Variants in PROSER2 observed in about 807,000 individuals in gnomAD.
The protein encoded by PROSER2 is proline and serine-rich protein 2.
PROSER2 carries 18 observed loss-of-function variants against 14.6 expected under a neutral mutation model. The observed-to-expected ratio is 1.23, with a 90% confidence interval of 0.85 to 1.83. The LOEUF (loss-of-function observed/expected upper bound fraction) is 1.83, where lower values mean the gene tolerates loss of function less well. Among genes scored for constraint, PROSER2 ranks in the 40% most tolerant of loss-of-function variants. The pLI is 0.00. For missense variants in PROSER2, 823 were observed against 629.8 expected (o/e 1.31, Z -3.28); for synonymous variants, 367 against 286.4 (o/e 1.28, Z -2.84).
chr10:11,867,282 A>AAAAAAC (rs1834371949), intron 3 of PROSER2, among the ~76,000 whole-genome samples: 1 of 151,002 alleles, frequency 6.6e-6, no homozygotes, highest in African/African-American at 2.4e-5. Context: ...AAAAAAAAAA[A>AAAAAAC]AAAAAGAATG....
In PROSER2 at chr10:11,830,367, T is replaced by G. The variant is rs1564300949; in HGVS notation, c.-82+6897T>G. Among the ~76,000 whole-genome samples the G allele has an allele frequency of 6.6e-6, 1 of 152,252 alleles. No individual in the cohort carries two copies. The highest frequency in any genetic ancestry group is 1.5e-5 in the Non-Finnish European group (1 of 68,044). On this transcript the variant is annotated intron_variant, in intron 1 of 3. Coordinates refer to ENST00000277570, the MANE Select transcript of PROSER2 (RefSeq NM_153256.4). This position sits in a 1 kb window ranked among gnomAD's most constrained non-coding sequence, Gnocchi z 4.5. ...GCTGCAAAAGACATGATTGCATTCA[T>G]TTTTATGGCTGAGTAGTCGTCCGTG...
At chr10:11,825,528 G>C (rs1833599648) in intron 1 of PROSER2, among the ~76,000 whole-genome samples, 1 of 152,196 alleles carries the variant, frequency 6.6e-6, no homozygotes, top group Admixed American at 6.5e-5. Flanking sequence ...GGCCACCATA[G>C]GAAAGCCTGT....
intron 1 of PROSER2, among the ~76,000 whole-genome samples, chr10:11,824,024 A>G (rs908945999): frequency 6.6e-6 from 1 of 152,242 alleles, no homozygotes; most frequent in African/African-American, 2.4e-5. Flanking sequence ...GGCCCGTGTG[A>G]TGAAATTGAA....
intron 1 of PROSER2, among the ~76,000 whole-genome samples, chr10:11,844,435 G>T (rs1833896140): frequency 6.6e-6 from 1 of 152,110 alleles, no homozygotes; most frequent in Non-Finnish European, 1.5e-5. Flanking sequence ...CCCAACAATT[G>T]TTCTTGACTT....
At chr10:11,867,495 A>T (rs1210384710) in intron 3 of PROSER2, among the ~76,000 whole-genome samples, 2 of 151,560 alleles carry the variant, frequency 1.3e-5, no homozygotes, top group African/African-American at 4.9e-5. Context: ...TAGCTGGCGC[A>T]CACCTGTAGT....
intron 1 of PROSER2, among the ~76,000 whole-genome samples, chr10:11,846,264 G>C (rs1433839861): frequency 6.6e-6 from 1 of 152,174 alleles, no homozygotes; most frequent in Non-Finnish European, 1.5e-5. Context: ...TGGGATTACA[G>C]GTGTGAGCCA....
rs1246090745 is a variant in PROSER2, at chr10:11,869,910, T to C, written c.812T>C (p.Leu271Pro). 60 of 1,578,310 alleles carry C rather than the reference T, an allele frequency of 3.8e-5. No homozygotes were observed. Among genetic ancestry groups the C allele is most frequent in the Non-Finnish European group, 5.1e-5 (59 of 1,165,820 alleles). ...GCGGCCCGGGAGCCCCGCAGGACCCTGTCCAGGGCGGCCGTCAGCGTGCAG... is the reference window on the plus strand; with the variant it reads ...GCGGCCCGGGAGCCCCGCAGGACCCCGTCCAGGGCGGCCGTCAGCGTGCAG... ...NGAAREPRRT[L>P]SRAAVSVQER... Residue 271 changes from leucine to proline, a missense_variant, in exon 4 of 4, where the codon CTG (leucine) becomes CCG (proline). Leu to Pro is a moderately conservative substitution (Grantham distance 98). Transcript: ENST00000277570. The surrounding 1 kb of genome is among the most constrained non-coding windows in gnomAD (Gnocchi z 4.4).
chr10:11,860,644 AT>A (rs1253953896), intron 2 of PROSER2, among the ~76,000 whole-genome samples: 1 of 151,632 alleles, frequency 6.6e-6, no homozygotes, highest in African/African-American at 2.4e-5. Flanking sequence ...TTTTTGTCTC[AT>A]TTTATACAAA....
chr10:11,844,830 C>G (rs1354244463), intron 1 of PROSER2, among the ~76,000 whole-genome samples: 1 of 152,190 alleles, frequency 6.6e-6, no homozygotes. Flanking sequence ...CCATGTTGGC[C>G]AGGCTGGTCT....
rs1834485679 is a variant in PROSER2 at position 11,871,323 on chromosome 10, ACGT to A, written c.*919_*921del. ...CCTAGTATGGAAGTGTCTTAAGGAC[ACGT>A]CTCCATGATATTTTGGTGAACCAAA... On this transcript the variant is annotated 3_prime_UTR_variant, in exon 4 of 4. Transcript: ENST00000277570. 6.6e-6 allele frequency: 1 copy of A among 152,352 alleles called. No individual in the cohort carries two copies. Among genetic ancestry groups the A allele is most frequent in the Non-Finnish European group, 1.5e-5 (1 of 68,034 alleles). The allele number at this position is 152,352 out of a possible 1,614,324, so 9.4% of individuals were successfully genotyped here.
intron 1 of PROSER2, among the ~76,000 whole-genome samples, chr10:11,839,195 G>GTC (rs1833801947): frequency 6.6e-6 from 1 of 152,120 alleles, no homozygotes; most frequent in Non-Finnish European, 1.5e-5. Context: ...CAGGGAGCAG[G>GTC]TCTCTACTCC....
intron 1 of PROSER2, among the ~76,000 whole-genome samples, chr10:11,841,584 C>T (rs1019161997): frequency 2.0e-5 from 3 of 152,076 alleles, no homozygotes; most frequent in East Asian, 3.8e-4. Context: ...CGATAGGTAG[C>T]GTTTCTGTTA....
At chr10:11,835,106 TAAAAAAAA>T (rs10556057) in intron 1 of PROSER2, among the ~76,000 whole-genome samples, 9 of 141,766 alleles carry the variant, frequency 6.3e-5, no homozygotes, top group Admixed American at 2.1e-4. Context: ...GAATCTGTCT[TAAAAAAAA>T]AAAAAAAAAA....
In PROSER2 at chr10:11,829,581, C is replaced by CAA. The variant is rs372245548; in HGVS notation, c.-82+6121_-82+6122dup. Among the ~76,000 whole-genome samples the CAA allele has an allele frequency of 4.7e-4, 67 of 142,448 alleles. No individual in the cohort carries two copies. The South Asian group carries it at 5.1e-3, about 11-fold the overall frequency. The allele number at this position is 142,448 out of a possible 152,430, so 93.5% of individuals were successfully genotyped here. A position where few individuals can be genotyped will look rare whatever the true frequency, so the allele number is the denominator to read the frequency against. Reference sequence around the variant, plus strand: ...TGTAAGACAGAGCGAGACCCTGTCTCAAAAAAAAAAAGAGTGTTGTGCTAC... The same window carrying CAA: ...TGTAAGACAGAGCGAGACCCTGTCTCAAAAAAAAAAAAAGAGTGTTGTGCTAC... On this transcript the variant is annotated intron_variant, in intron 1 of 3. Transcript: ENST00000277570.
intron 1 of PROSER2, among the ~76,000 whole-genome samples, chr10:11,845,903 A>G (rs1318104251): frequency 1.3e-5 from 2 of 152,210 alleles, no homozygotes; most frequent in Non-Finnish European, 2.9e-5. Context: ...CTGAAGCTAT[A>G]CCACCTAGTA....
At chr10:11,827,239 G>A (rs1833627984) in intron 1 of PROSER2, among the ~76,000 whole-genome samples, 2 of 151,816 alleles carry the variant, frequency 1.3e-5, no homozygotes, top group African/African-American at 4.8e-5. Context: ...GTATGAAGTA[G>A]TATCTCATGG....
chr10:11,844,126 G>A (rs1306266246), intron 1 of PROSER2, among the ~76,000 whole-genome samples: 1 of 152,082 alleles, frequency 6.6e-6, no homozygotes, highest in East Asian at 1.9e-4. Context: ...CCAGCAGCTA[G>A]GACTATAGGC....
rs942932697 is a variant in PROSER2, at chr10:11,862,462, C to T, written c.139-4069C>T. Among the ~76,000 whole-genome samples, 3 of 152,138 alleles carry T rather than the reference C, an allele frequency of 2.0e-5. No homozygotes were observed. The highest frequency in any genetic ancestry group is 7.2e-5 in the African/African-American group (3 of 41,418). On this transcript the variant is annotated intron_variant, in intron 2 of 3. Transcript: ENST00000277570. The surrounding 1 kb of genome is among the most constrained non-coding windows in gnomAD (Gnocchi z 4.2). ...ATAACACCACTTTGGGAAGCTGAGG[C>T]CAGAGGACTGCCTGAGCCCAGGAGT...
chr10:11,858,481 A>G (rs138082230), intron 2 of PROSER2, among the ~76,000 whole-genome samples: 5 of 152,330 alleles, frequency 3.3e-5, no homozygotes, highest in East Asian at 1.9e-4. Context: ...GCAGGAGTCA[A>G]CAGAGATCAG....
Sources: gnomAD v4.1 joint callset for allele counts (sites outside exome capture counted in the v4.1 genomes callset) on GRCh38, gnomAD v4.1.1 for gene constraint, Gnocchi (gnomAD v3.1) non-coding constraint, MANE v1.5 for transcripts, NCBI Gene and HGNC (gene_info 2026-07-23, HGNC 2026-07-21) for gene names.